TOX3: variants seen among roughly 807,000 people sequenced by gnomAD.
The protein encoded by TOX3 is CAG trinucleotide repeat-containing gene F9 protein.
TOX3 carries 22 observed loss-of-function variants against 64.3 expected under a neutral mutation model. That is an observed-to-expected ratio of 0.34 (90% CI 0.24 to 0.49). The LOEUF is 0.49. Ranked by LOEUF, TOX3 falls within the 20% of genes least tolerant of loss-of-function variation. TOX3 has a pLI of 0.99. For missense variants in TOX3, 661 were observed against 714.4 expected (o/e 0.93, Z 0.85); for synonymous variants, 291 against 273.6 (o/e 1.06, Z -0.63).
In TOX3 at chr16:52,499,077, T is replaced by TAATAGG. The variant is rs376732962; in HGVS notation, c.88-30504_88-30503insCCTATT. On this transcript the variant is annotated intron_variant, in intron 1 of 6. Transcript: ENST00000219746. Reference sequence around the variant, plus strand: ...GAGAGGTGCTGATTTGATTATTCCGTAATAGTGAAAATGAATACCAATGCA... The same window carrying TAATAGG: ...GAGAGGTGCTGATTTGATTATTCCGTAATAGGAATAGTGAAAATGAATACCAATGCA... Among the ~76,000 whole-genome samples the TAATAGG allele has an allele frequency of 1.6e-3, 251 of 152,310 alleles. 2 individuals carry two copies. The highest frequency in any genetic ancestry group is 0.01 in the Middle Eastern group (3 of 294).
chr16:52,456,616 A>T (rs1029195792), intron 3 of TOX3, among the ~76,000 whole-genome samples: 1 of 152,230 alleles, frequency 6.6e-6, no homozygotes, highest in Non-Finnish European at 1.5e-5. Context: ...TATTTTGGGT[A>T]GCAATCCCTC....
chr16:52,527,892 GAC>G (rs1962758231), intron 1 of TOX3, among the ~76,000 whole-genome samples: 2 of 152,188 alleles, frequency 1.3e-5, no homozygotes, highest in African/African-American at 4.8e-5. Flanking sequence ...AATATCTAAA[GAC>G]ATATTTTGTT....
At chr16:52,498,160 T>C (rs1961898211) in intron 1 of TOX3, among the ~76,000 whole-genome samples, 1 of 152,158 alleles carries the variant, frequency 6.6e-6, no homozygotes, top group Non-Finnish European at 1.5e-5. Context: ...ATTATTTTCA[T>C]GGGAATCTTT....
chr16:52,536,440 G>A (rs1962945585), intron 1 of TOX3, among the ~76,000 whole-genome samples: 1 of 151,006 alleles, frequency 6.6e-6, no homozygotes, highest in African/African-American at 2.4e-5. Flanking sequence ...TCAAAAAGAT[G>A]GGATGAAGGC....
chr16:52,442,876 T>C (rs1960044514), intron 6 of TOX3, among the ~76,000 whole-genome samples: 2 of 152,214 alleles, frequency 1.3e-5, no homozygotes, highest in Admixed American at 6.5e-5. Flanking sequence ...TTTGGTGTCA[T>C]TGAATTCTAC....
At chr16:52,449,849 C>T (rs528130011) in intron 4 of TOX3, among the ~76,000 whole-genome samples, 72 of 152,338 alleles carry the variant, frequency 4.7e-4, no homozygotes, top group African/African-American at 1.6e-3. Flanking sequence ...TAAACATCAC[C>T]GAAGCCGCAA....
At chr16:52,448,235 T>C (rs1402034994) in intron 4 of TOX3, among the ~76,000 whole-genome samples, 1 of 152,210 alleles carries the variant, frequency 6.6e-6, no homozygotes, top group Non-Finnish European at 1.5e-5. Context: ...TTAATCTTCC[T>C]TTCTCAGCTA....
chr16:52,530,838 G>A (rs184892049), intron 1 of TOX3, among the ~76,000 whole-genome samples: 2 of 152,038 alleles, frequency 1.3e-5, no homozygotes, highest in African/African-American at 4.8e-5. Context: ...CCTTTACTTG[G>A]TTTCTGCCTT....
chr16:52,511,899 G>A (rs1962321847), intron 1 of TOX3, among the ~76,000 whole-genome samples: 1 of 152,220 alleles, frequency 6.6e-6, no homozygotes, highest in Admixed American at 6.5e-5. Context: ...ACTTAAAGCA[G>A]TATGGGAAAT....
chr16:52,485,234 GTATGTGTGTGTGTATATA>G lies in TOX3; in HGVS notation c.88-16678_88-16661del, dbSNP rs1379024181. Among the ~76,000 whole-genome samples, 5 of 112,752 alleles carry G rather than the reference GTATGTGTGTGTGTATATA, an allele frequency of 4.4e-5. No individual in the cohort carries two copies. In the East Asian group the frequency reaches 1.4e-3, roughly 31 times the overall value. 74.0% of individuals were successfully genotyped at this position (112,752 alleles called of 152,430 possible). ...TGTGTGTATATACATGTGTGTGTGT[GTATGTGTGTGTGTATATA>G]TATATATATATATATATATACATAT... On this transcript the variant is annotated intron_variant, in intron 1 of 6. Transcript: ENST00000219746.
chr16:52,468,440 C>A, intron 2 of TOX3, 69 bp downstream of exon 2: 1 of 1,374,032 alleles, frequency 7.3e-7, no homozygotes, highest in South Asian at 1.2e-5. Context: ...TTTGTTTTTC[C>A]CTTCAAGCCT....
At chr16:52,508,917 C>T (rs1962230638) in intron 1 of TOX3, among the ~76,000 whole-genome samples, 1 of 151,998 alleles carries the variant, frequency 6.6e-6, no homozygotes, top group African/African-American at 2.4e-5. Context: ...AGTGTACAAG[C>T]CCAAATCTCT....
intron 1 of TOX3, among the ~76,000 whole-genome samples, chr16:52,487,239 C>T (rs1961556472): frequency 2.6e-5 from 4 of 151,470 alleles, no homozygotes; most frequent in South Asian, 4.2e-4. Flanking sequence ...CCATGCATGG[C>T]GCCAAGCTCA....
In TOX3 at chr16:52,439,044, A is replaced by C. The variant is rs1959842728; in HGVS notation, c.*181T>G. 2 of 880,404 alleles carry C rather than the reference A, an allele frequency of 2.3e-6. 1 individual carries two copies. Among genetic ancestry groups the C allele is most frequent in the Middle Eastern group, 4.4e-4 (2 of 4,556 alleles). 54.5% of individuals were successfully genotyped at this position (880,404 alleles called of 1,614,324 possible). A position where few individuals can be genotyped will look rare whatever the true frequency, so the allele number is the denominator to read the frequency against. ...AAACAAAGTGATTTATAGTCAGCTA[A>C]AAGATGTTACTCAGCTACACTGCAG... On this transcript the variant is annotated 3_prime_UTR_variant, in exon 7 of 7. Transcript: ENST00000219746.
intron 3 of TOX3, among the ~76,000 whole-genome samples, chr16:52,459,200 A>C (rs2052282): frequency 0.69 from 104,103 of 151,932 alleles, 37,029 homozygotes; most frequent in East Asian, 0.88. Flanking sequence ...CCTGTAGTCC[A>C]AGATACTCGA....
intron 3 of TOX3, among the ~76,000 whole-genome samples, chr16:52,456,504 C>T (rs1213212400): frequency 6.6e-6 from 1 of 152,106 alleles, no homozygotes; most frequent in East Asian, 1.9e-4. Flanking sequence ...TTCTGTATGC[C>T]TTGGTGGGGG....
intron 1 of TOX3, among the ~76,000 whole-genome samples, chr16:52,545,788 C>T (rs1165756903): frequency 6.6e-6 from 1 of 152,080 alleles, no homozygotes; most frequent in Non-Finnish European, 1.5e-5. Flanking sequence ...GGGGGAATTC[C>T]GCGCGGCCCG....
At chr16:52,518,561 A>C (rs1162569792) in intron 1 of TOX3, among the ~76,000 whole-genome samples, 1 of 152,210 alleles carries the variant, frequency 6.6e-6, no homozygotes, top group South Asian at 2.1e-4. Context: ...TCTTCTCTAT[A>C]TTGTTGCTAA....
chr16:52,462,591 G>C (rs374443610), intron 3 of TOX3, among the ~76,000 whole-genome samples: 8 of 152,040 alleles, frequency 5.3e-5, no homozygotes, highest in Admixed American at 2.0e-4. Context: ...GCCTCTCTGA[G>C]CATCTATGAA....
Sources: gnomAD v4.1 joint callset for allele counts (sites outside exome capture counted in the v4.1 genomes callset) on GRCh38, gnomAD v4.1.1 for gene constraint, MANE v1.5 for transcripts, NCBI Gene and HGNC (gene_info 2026-07-23, HGNC 2026-07-21) for gene names.